ZNF804B: variants seen among roughly 807,000 people sequenced by gnomAD.
ZNF804B encodes the protein zinc finger 804B.
In ZNF804B, 80 loss-of-function variants were observed where a neutral mutation model predicts 101.4. The observed-to-expected ratio is 0.79, with a 90% confidence interval of 0.66 to 0.95. ZNF804B has a LOEUF of 0.95. Ranked by LOEUF, ZNF804B falls within the 40% of genes least tolerant of loss-of-function variation. The pLI is 0.00. For missense variants in ZNF804B, 1,673 were observed against 1,561.9 expected (o/e 1.07, Z -1.20); for synonymous variants, 622 against 558.8 (o/e 1.11, Z -1.59).
chr7:88,778,797 G>A (rs964191235), intron 1 of ZNF804B, among the ~76,000 whole-genome samples: 2 of 152,174 alleles, frequency 1.3e-5, no homozygotes, highest in African/African-American at 4.8e-5. Context: ...ATGGTGCCTA[G>A]CATTGTACTA....
At chr7:89,305,382 G>A (rs1229426733) in intron 2 of ZNF804B, among the ~76,000 whole-genome samples, 2 of 151,922 alleles carry the variant, frequency 1.3e-5, no homozygotes, top group Admixed American at 6.6e-5. Context: ...ATGCACTTCT[G>A]AGATCAAGAA....
intron 1 of ZNF804B, among the ~76,000 whole-genome samples, chr7:88,915,762 GTTAT>G (rs978516164): frequency 2.7e-5 from 4 of 148,706 alleles, no homozygotes; most frequent in Admixed American, 1.3e-4. Context: ...TGGGAACAAA[GTTAT>G]TTATTTAATG....
At chr7:88,764,319 G>A (rs536687046) in intron 1 of ZNF804B, among the ~76,000 whole-genome samples, 1 of 152,142 alleles carries the variant, frequency 6.6e-6, no homozygotes, top group African/African-American at 2.4e-5. Context: ...CTTATTCCTG[G>A]GAGCACCATA....
At chr7:89,203,535 TA>T (rs1788675743) in intron 1 of ZNF804B, among the ~76,000 whole-genome samples, 1 of 152,168 alleles carries the variant, frequency 6.6e-6, no homozygotes, top group Admixed American at 6.5e-5. Flanking sequence ...ATTTTAGATT[TA>T]AGACATAGAG....
At chr7:88,777,987 C>T (rs1790170470) in intron 1 of ZNF804B, among the ~76,000 whole-genome samples, 1 of 151,946 alleles carries the variant, frequency 6.6e-6, no homozygotes, top group Non-Finnish European at 1.5e-5. Context: ...ATTCAACTCA[C>T]ACCTCATGTA....
At chr7:89,003,567 G>T (rs1263040614) in intron 1 of ZNF804B, among the ~76,000 whole-genome samples, 2 of 151,906 alleles carry the variant, frequency 1.3e-5, no homozygotes, top group African/African-American at 4.8e-5. Context: ...ATTTTAGTAT[G>T]AGAATGAGTC....
intron 1 of ZNF804B, among the ~76,000 whole-genome samples, chr7:88,760,734 A>C (rs1789882278): frequency 6.6e-6 from 1 of 151,622 alleles, no homozygotes; most frequent in East Asian, 1.9e-4. Flanking sequence ...GTTACTATTC[A>C]GTTTATTCAC....
chr7:88,841,906 A>G (rs963395664), intron 1 of ZNF804B, among the ~76,000 whole-genome samples: 3 of 152,184 alleles, frequency 2.0e-5, no homozygotes, highest in Non-Finnish European at 4.4e-5. Context: ...GAGGTAATCA[A>G]ACACTCGTGT....
intron 2 of ZNF804B, among the ~76,000 whole-genome samples, chr7:89,228,005 T>C (rs1427322757): frequency 6.6e-6 from 1 of 152,220 alleles, no homozygotes; most frequent in East Asian, 1.9e-4. Context: ...ACTGTCATAG[T>C]GTGTCCAGAA....
intron 1 of ZNF804B, among the ~76,000 whole-genome samples, chr7:88,965,247 G>T (rs921007672): frequency 6.6e-6 from 1 of 151,320 alleles, no homozygotes; most frequent in Non-Finnish European, 1.5e-5. Context: ...TTATAATGGA[G>T]TGAAATCATG....
intron 1 of ZNF804B, among the ~76,000 whole-genome samples, chr7:89,214,099 A>G (rs1788848967): frequency 6.6e-6 from 1 of 152,234 alleles, no homozygotes; most frequent in South Asian, 2.1e-4. Flanking sequence ...CATTAATTAT[A>G]AAAAGTAATT....
At chr7:89,242,459 A>G (rs967082596) in intron 2 of ZNF804B, among the ~76,000 whole-genome samples, 5 of 151,920 alleles carry the variant, frequency 3.3e-5, no homozygotes, top group Admixed American at 1.3e-4. Context: ...CACTGCCTCA[A>G]ATAGACACAG....
intron 1 of ZNF804B, among the ~76,000 whole-genome samples, chr7:89,206,306 T>C (rs1336842586): frequency 1.3e-5 from 2 of 152,264 alleles, no homozygotes; most frequent in Non-Finnish European, 2.9e-5. Flanking sequence ...TCATTACTTA[T>C]GCAAATTTCT....
intron 2 of ZNF804B, among the ~76,000 whole-genome samples, chr7:89,280,824 G>T (rs1243685386): frequency 6.6e-6 from 1 of 152,188 alleles, no homozygotes; most frequent in Non-Finnish European, 1.5e-5. Context: ...TCTACCAGAG[G>T]TATAAGGAGG....
At chr7:88,808,399 A>T (rs1216805455) in intron 1 of ZNF804B, among the ~76,000 whole-genome samples, 1 of 151,248 alleles carries the variant, frequency 6.6e-6, no homozygotes. Context: ...AAAAAAAAAA[A>T]GTAAACCAGG....
At chr7:89,156,096 T>TCTCTCTTTC (rs1790970527) in intron 1 of ZNF804B, among the ~76,000 whole-genome samples, 2 of 133,494 alleles carry the variant, frequency 1.5e-5, no homozygotes, top group Admixed American at 7.5e-5. Context: ...TTCCTTTCTT[T>TCTCTCTTTC]CTTTCTCTCT....
chr7:89,046,498 A>G (rs759324659), intron 1 of ZNF804B, among the ~76,000 whole-genome samples: 1 of 152,188 alleles, frequency 6.6e-6, no homozygotes, highest in Non-Finnish European at 1.5e-5. Flanking sequence ...AAGGGTTTTG[A>G]TGGACTAAAT....
chr7:89,200,607 G>C (rs903352265), intron 1 of ZNF804B, among the ~76,000 whole-genome samples: 2 of 151,938 alleles, frequency 1.3e-5, no homozygotes, highest in African/African-American at 2.4e-5. Flanking sequence ...ATACTTTCAA[G>C]TTTCTACCAA....
At chr7:88,810,116 A>G (rs1790761412) in intron 1 of ZNF804B, among the ~76,000 whole-genome samples, 2 of 152,140 alleles carry the variant, frequency 1.3e-5, no homozygotes, top group African/African-American at 4.8e-5. Flanking sequence ...TGTAATTGCA[A>G]TTGCGTACAG....
Sources: gnomAD v4.1 joint callset for allele counts (sites outside exome capture counted in the v4.1 genomes callset) on GRCh38, gnomAD v4.1.1 for gene constraint, MANE v1.5 for transcripts, NCBI Gene and HGNC (gene_info 2026-07-23, HGNC 2026-07-21) for gene names.